ZNF521: variants seen among roughly 807,000 people sequenced by gnomAD.
ZNF521 encodes the protein zinc finger protein 521, also known as LYST-interacting protein 3.
ZNF521 carries 14 observed loss-of-function variants against 105.5 expected under a neutral mutation model. The ratio of observed to expected loss-of-function variants is 0.13; its 90% CI spans 0.09 to 0.21. The LOEUF (loss-of-function observed/expected upper bound fraction) is 0.21, where lower values mean the gene tolerates loss of function less well. Ranked by LOEUF, ZNF521 falls within the 10% of genes least tolerant of loss-of-function variation. ZNF521 has a pLI of 1.00. For missense variants in ZNF521, 1,233 were observed against 1,629.7 expected, an observed-to-expected ratio of 0.76 and a Z score of 4.19; for synonymous variants, 635 against 606.0, an observed-to-expected ratio of 1.05 and a Z score of -0.70.
chr18:25,228,574 C>T (rs1906325881), intron 3 of ZNF521, among the ~76,000 whole-genome samples: 1 of 152,152 alleles, frequency 6.6e-6, no homozygotes, highest in South Asian at 2.1e-4. Flanking sequence ...ACTTCCTTAG[C>T]TAAACAGGAC....
intron 7 of ZNF521, among the ~76,000 whole-genome samples, chr18:25,074,235 C>G (rs2033303951): frequency 6.6e-6 from 1 of 152,182 alleles, no homozygotes; most frequent in African/African-American, 2.4e-5. Context: ...TCTCTGGGGA[C>G]TTATTCCTGC....
chr18:25,089,624 G>A (rs752704337), intron 6 of ZNF521, 44 bp from the exon 7 acceptor site: 24 of 1,522,188 alleles, frequency 1.6e-5, no homozygotes, highest in East Asian at 4.5e-5. Flanking sequence ...TTTTGTTTCC[G>A]AAATGCCCTC....
intron 3 of ZNF521, among the ~76,000 whole-genome samples, chr18:25,267,628 C>T (rs1055576416): frequency 2.6e-5 from 4 of 152,142 alleles, no homozygotes; most frequent in East Asian, 1.9e-4. Flanking sequence ...GGTGATACCC[C>T]GGCAAACAGG....
chr18:25,177,181 GTTT>G (rs973942492), intron 5 of ZNF521, among the ~76,000 whole-genome samples: 2 of 152,168 alleles, frequency 1.3e-5, no homozygotes, highest in Non-Finnish European at 2.9e-5. Flanking sequence ...ACAGAGGAAG[GTTT>G]TAAATGAAGA....
chr18:25,276,283 G>A (rs8098579), intron 3 of ZNF521, among the ~76,000 whole-genome samples: 73,470 of 151,316 alleles, frequency 0.49, 20,029 homozygotes, highest in African/African-American at 0.75. Context: ...ATAGAAAAAT[G>A]TTAATTTAAG....
At chr18:25,246,531 C>T (rs1907738541) in intron 3 of ZNF521, among the ~76,000 whole-genome samples, 1 of 152,166 alleles carries the variant, frequency 6.6e-6, no homozygotes, top group African/African-American at 2.4e-5. Flanking sequence ...TAGGCAAAGA[C>T]TTATCAAAAC....
At chr18:25,315,539 C>T (rs1767946438) in intron 3 of ZNF521, 1 of 152,086 alleles carries the variant, frequency 6.6e-6, no homozygotes. Flanking sequence ...TGTGTGAGCT[C>T]GCATTTTCTT....
At chr18:25,257,397 AAC>A (rs1426189289) in intron 3 of ZNF521, among the ~76,000 whole-genome samples, 1 of 152,176 alleles carries the variant, frequency 6.6e-6, no homozygotes, top group Non-Finnish European at 1.5e-5. Flanking sequence ...GGGCTCAAAC[AAC>A]ACATTGCTTC....
intron 4 of ZNF521, among the ~76,000 whole-genome samples, chr18:25,218,065 G>A (rs1028476548): frequency 6.6e-6 from 1 of 152,128 alleles, no homozygotes; most frequent in Non-Finnish European, 1.5e-5. Flanking sequence ...AACAAGGAGA[G>A]GGCAGGGAAA....
intron 2 of ZNF521, among the ~76,000 whole-genome samples, chr18:25,330,713 G>A (rs1403672712): frequency 6.6e-6 from 1 of 152,046 alleles, no homozygotes; most frequent in Non-Finnish European, 1.5e-5. Flanking sequence ...ATTTTACTTG[G>A]AGTTCATGAT....
chr18:25,246,580 C>G lies in ZNF521; in HGVS notation c.221-18883G>C, dbSNP rs1490132807. Among the ~76,000 whole-genome samples, 8 of 152,324 alleles carry G rather than the reference C, an allele frequency of 5.3e-5. No individual in the cohort carries two copies. In the East Asian group the frequency reaches 1.5e-3, roughly 29 times the overall value. ...TACTATTGTTAAGACTATTCAGTTA[C>G]TGCTTTGGGCTCTTTGGCATCATTC... is the stretch of plus-strand genomic sequence containing the variant. On this transcript the variant is annotated intron_variant, in intron 3 of 7. Coordinates refer to ENST00000361524, the MANE Select transcript of ZNF521 (RefSeq NM_015461.3).
At chr18:25,097,903 T>C (rs1225219274) in intron 5 of ZNF521, among the ~76,000 whole-genome samples, 1 of 152,128 alleles carries the variant, frequency 6.6e-6, no homozygotes, top group Non-Finnish European at 1.5e-5. Flanking sequence ...GAACTTCTCA[T>C]TATCAGCAGG....
rs574604199 is a variant in ZNF521 at position 25,250,394 on chromosome 18, A to G, written c.221-22697T>C. Reference sequence around the variant, plus strand: ...TTATCATCAGCAACTTGTTTGCCATATTTACTGTGGAATAGATCTGAAGTA... The same window carrying G: ...TTATCATCAGCAACTTGTTTGCCATGTTTACTGTGGAATAGATCTGAAGTA... On this transcript the variant is annotated intron_variant, in intron 3 of 7. Transcript: ENST00000361524. 1.9e-3 allele frequency among the ~76,000 whole-genome samples: 284 copies of G among 152,272 alleles called. 1 individual carries two copies. The highest frequency in any genetic ancestry group is 6.6e-3 in the African/African-American group (275 of 41,542).
intron 4 of ZNF521, among the ~76,000 whole-genome samples, chr18:25,198,339 G>T (rs1044275084): frequency 1.3e-5 from 2 of 151,626 alleles, no homozygotes; most frequent in African/African-American, 2.4e-5. Flanking sequence ...GGTACTCAGA[G>T]ACTTTTTAAA....
rs1906004678 is a variant in ZNF521, at chr18:25,224,934, A to G, written c.2984T>C (p.Met995Thr). The change falls in exon 4 of 8, where the codon ATG becomes ACG. Residue 995 changes from methionine to threonine, a missense_variant. By Grantham distance (81) the Met-to-Thr change is moderately conservative. Coordinates refer to ENST00000361524, the MANE Select transcript of ZNF521 (RefSeq NM_015461.3). Reference sequence around the variant, plus strand: ...AAACTCCTCTTCACTCTGGAGAGGCATCTTGCAAATCCGGCAGTTTCCAGT... The same window carrying G: ...AAACTCCTCTTCACTCTGGAGAGGCGTCTTGCAAATCCGGCAGTTTCCAGT... ...LDTGNCRICK[M>T]PLQSEEEFLE... is the part of the protein sequence containing the mutation. The G allele has an allele frequency of 3.1e-6, 5 of 1,614,030 alleles. No homozygotes were observed. Among genetic ancestry groups the G allele is most frequent in the Non-Finnish European group, 4.2e-6 (5 of 1,180,012 alleles).
At chr18:25,349,902 G>T (rs1914646521) in intron 2 of ZNF521, among the ~76,000 whole-genome samples, 2 of 151,054 alleles carry the variant, frequency 1.3e-5, no homozygotes, top group South Asian at 4.1e-4. Flanking sequence ...CTGCCCGCGC[G>T]CCCCTCCTCC....
chr18:25,125,667 G>A (rs980263378), intron 5 of ZNF521, among the ~76,000 whole-genome samples: 1 of 151,424 alleles, frequency 6.6e-6, no homozygotes, highest in South Asian at 2.1e-4. Context: ...ATGTGTAATG[G>A]TGTCATGCAC....
At chr18:25,263,009 C>G (rs1011055490) in intron 3 of ZNF521, among the ~76,000 whole-genome samples, 1 of 152,158 alleles carries the variant, frequency 6.6e-6, no homozygotes, top group Admixed American at 6.6e-5. Flanking sequence ...CTAGAAACGG[C>G]CAGTGGAATA....
At chr18:25,092,818 A>G (rs1433253664) in intron 5 of ZNF521, among the ~76,000 whole-genome samples, 1 of 152,216 alleles carries the variant, frequency 6.6e-6, no homozygotes, top group Non-Finnish European at 1.5e-5. Flanking sequence ...TGATGTCATA[A>G]CATTGCTATA....
Sources: allele counts gnomAD v4.1 joint callset (sites outside exome capture counted in the v4.1 genomes callset), GRCh38; gene constraint gnomAD v4.1.1; transcripts MANE v1.5; gene names NCBI Gene and HGNC (gene_info 2026-07-23, HGNC 2026-07-21).